SPMIP8: variants seen among roughly 807,000 people sequenced by gnomAD.
SPMIP8 encodes the protein testicular tissue protein Li 196.
the SPMIP8 span, chr16:57,984,214 T>G: frequency 1.8e-5 from 26 of 1,413,154 alleles, no homozygotes; most frequent in Non-Finnish European, 2.5e-5. Flanking sequence ...TCAAAAAATT[T>G]TTAAAGTACA....
the SPMIP8 span, chr16:57,988,076 T>C: frequency 6.6e-6 from 1 of 152,258 alleles, no homozygotes; most frequent in African/African-American, 2.4e-5. Context: ...AGTTCCCCGC[T>C]CTCCAAAGCA....
At chr16:57,984,733 T>C in the SPMIP8 span, 2 of 1,604,872 alleles carry the variant, frequency 1.2e-6, no homozygotes, top group Admixed American at 3.4e-5. Context: ...TGGCCCTGCT[T>C]CACGCGCGCC....
the SPMIP8 span, chr16:57,977,791 C>A: frequency 6.3e-7 from 1 of 1,599,424 alleles, no homozygotes; most frequent in Non-Finnish European, 8.5e-7. Flanking sequence ...CAGGGTGAGC[C>A]CCTTAGAACC....
At chr16:57,987,659 G>C in the SPMIP8 span, 2 of 434,490 alleles carry the variant, frequency 4.6e-6, no homozygotes. Flanking sequence ...CCCGTCCCCG[G>C]CCAACTCCTG....
chr16:57,982,486 G>A, the SPMIP8 span, among the ~76,000 whole-genome samples: 2 of 152,174 alleles, frequency 1.3e-5, no homozygotes, highest in African/African-American at 4.8e-5. Flanking sequence ...TCTTCATGGT[G>A]TTTCTTATCT....
the SPMIP8 span, among the ~76,000 whole-genome samples, chr16:57,979,252 T>C: frequency 6.6e-6 from 1 of 151,756 alleles, no homozygotes; most frequent in South Asian, 2.1e-4. Context: ...CCAGCTTGGG[T>C]GACAGGTGGG....
chr16:57,985,188 G>T, the SPMIP8 span: 17 of 1,509,940 alleles, frequency 1.1e-5, 1 homozygote, highest in South Asian at 1.9e-4. Context: ...GCGCTCGAGA[G>T]GGGCTTTCTG....
chr16:57,986,233 A>T, the SPMIP8 span: 1 of 370,846 alleles, frequency 2.7e-6, no homozygotes. Flanking sequence ...GAGAGAAAAC[A>T]GACAAATAAG....
At chr16:57,986,882 G>A in the SPMIP8 span, 1 of 152,666 alleles carries the variant, frequency 6.6e-6, no homozygotes, top group African/African-American at 2.4e-5. Flanking sequence ...GTGAGCTACA[G>A]TGCCCGGCCT....
chr16:57,980,127 G>T, the SPMIP8 span, among the ~76,000 whole-genome samples: 1 of 152,310 alleles, frequency 6.6e-6, no homozygotes, highest in South Asian at 2.1e-4. Context: ...AGGGGTTATA[G>T]CTGCCAGGTG....
At chr16:57,982,631 T>C in the SPMIP8 span, among the ~76,000 whole-genome samples, 1 of 152,226 alleles carries the variant, frequency 6.6e-6, no homozygotes, top group East Asian at 1.9e-4. Context: ...GCACAGAATT[T>C]CATTATCACA....
chr16:57,979,086 A>C, the SPMIP8 span, among the ~76,000 whole-genome samples: 2 of 152,226 alleles, frequency 1.3e-5, no homozygotes, highest in Admixed American at 6.5e-5. Flanking sequence ...TCAGGGCAAA[A>C]GAGCCCCACG....
the SPMIP8 span, chr16:57,986,017 C>G: frequency 6.6e-7 from 1 of 1,516,654 alleles, no homozygotes; most frequent in African/African-American, 1.4e-5. Context: ...TCGGGGCTCC[C>G]TGACTCTGAA....
At chr16:57,978,763 G>A in the SPMIP8 span, among the ~76,000 whole-genome samples, 3 of 151,884 alleles carry the variant, frequency 2.0e-5, no homozygotes, top group African/African-American at 4.8e-5. Context: ...CCACAGATAC[G>A]TGCCACCCTG....
the SPMIP8 span, chr16:57,987,536 A>G: frequency 8.0e-7 from 1 of 1,244,870 alleles, no homozygotes; most frequent in Non-Finnish European, 1.1e-6. Context: ...AGTTCAGCCT[A>G]ACTAGAAATA....
the SPMIP8 span, among the ~76,000 whole-genome samples, chr16:57,979,471 T>C: frequency 3.9e-5 from 6 of 152,240 alleles, no homozygotes; most frequent in Non-Finnish European, 7.3e-5. Context: ...TCACCAGTTC[T>C]TCCAATTTCC....
At chr16:57,986,153 AG>A in the SPMIP8 span, 2 of 505,004 alleles carry the variant, frequency 4.0e-6, no homozygotes, top group Non-Finnish European at 6.7e-6. Flanking sequence ...TGGACGCGGG[AG>A]GGGGTCCACA....
At chr16:57,985,068 C>T in the SPMIP8 span, 2 of 1,090,528 alleles carry the variant, frequency 1.8e-6, no homozygotes, top group Non-Finnish European at 2.5e-6. Flanking sequence ...GCAGCGGAGG[C>T]GGGACCTGTT....
the SPMIP8 span, among the ~76,000 whole-genome samples, chr16:57,977,228 A>G: frequency 7.1e-4 from 108 of 151,878 alleles, no homozygotes; most frequent in South Asian, 1.2e-3. Flanking sequence ...TGGCCAACAC[A>G]GTGAAACCCC....
Sources: allele counts gnomAD v4.1 joint callset (sites outside exome capture counted in the v4.1 genomes callset), GRCh38; gene constraint gnomAD v4.1.1; transcripts MANE v1.5; gene names NCBI Gene and HGNC (gene_info 2026-07-23, HGNC 2026-07-21).